Variants in LHFPL3 observed in about 807,000 individuals in gnomAD.
LHFPL3 encodes the protein LHFPL tetraspan subfamily member 3 protein.
A neutral mutation model predicts 19.3 loss-of-function variants in LHFPL3; 5 were observed. That is an observed-to-expected ratio of 0.26 (90% CI 0.14 to 0.54). The LOEUF is 0.54. LHFPL3 is among the 20% of genes least tolerant of loss of function. The pLI is 0.94. For missense variants in LHFPL3, 249 were observed against 307.4 expected (o/e 0.81, Z 1.42); for synonymous variants, 133 against 126.2 (o/e 1.05, Z -0.36).
chr7:104,421,925 A>T (rs544598523), intron 1 of LHFPL3, among the ~76,000 whole-genome samples: 3 of 152,164 alleles, frequency 2.0e-5, no homozygotes, highest in South Asian at 2.1e-4. Context: ...ATAAGGAAAG[A>T]CCCCAGAGAC....
intron 1 of LHFPL3, among the ~76,000 whole-genome samples, chr7:104,616,024 G>C (rs1021628378): frequency 6.6e-6 from 1 of 152,170 alleles, no homozygotes; most frequent in Non-Finnish European, 1.5e-5. Context: ...CATGCTTGTG[G>C]ATAGGAAGAA....
intron 1 of LHFPL3, among the ~76,000 whole-genome samples, chr7:104,712,771 G>GT (rs1326992202): frequency 2.0e-5 from 3 of 152,204 alleles, no homozygotes; most frequent in Non-Finnish European, 4.4e-5. Context: ...AGTATATGTT[G>GT]TTTTAAGCCA....
intron 2 of LHFPL3, among the ~76,000 whole-genome samples, chr7:104,855,463 A>G (rs1350707526): frequency 6.6e-6 from 1 of 152,166 alleles, no homozygotes; most frequent in Non-Finnish European, 1.5e-5. Context: ...ATTATGTATA[A>G]TGGTGTTGCA....
intron 1 of LHFPL3, among the ~76,000 whole-genome samples, chr7:104,437,771 G>C (rs1221035527): frequency 6.6e-6 from 1 of 152,150 alleles, no homozygotes; most frequent in Non-Finnish European, 1.5e-5. Flanking sequence ...CTGGGGGCCT[G>C]CCCTCAGCAC....
chr7:104,563,974 A>G lies in LHFPL3; in HGVS notation c.446-172701A>G, dbSNP rs1051365652. 5.3e-5 allele frequency among the ~76,000 whole-genome samples: 8 copies of G among 152,348 alleles called. No homozygotes were observed. In the South Asian group the frequency reaches 1.0e-3, roughly 20 times the overall value. ...ATCTTTCTGCCATAGAAAATACCTA[A>G]TAACAATAGTAATAGCTACCATTTA... On this transcript the variant is annotated intron_variant, in intron 1 of 2. Coordinates refer to ENST00000424859, the MANE Select transcript of LHFPL3 (RefSeq NM_199000.3).
At chr7:104,798,122 C>A (rs1004548743) in intron 2 of LHFPL3, among the ~76,000 whole-genome samples, 10 of 152,252 alleles carry the variant, frequency 6.6e-5, no homozygotes, top group Non-Finnish European at 1.2e-4. Context: ...TGTCCTAGAA[C>A]TAGAAACAAG....
At chr7:104,858,035 A>G (rs553756284) in intron 2 of LHFPL3, among the ~76,000 whole-genome samples, 3 of 152,324 alleles carry the variant, frequency 2.0e-5, no homozygotes, top group African/African-American at 7.2e-5. Flanking sequence ...AAACCAGAGT[A>G]TCTCACCATC....
intron 1 of LHFPL3, among the ~76,000 whole-genome samples, chr7:104,567,445 C>T (rs1790145464): frequency 6.6e-6 from 1 of 152,152 alleles, no homozygotes; most frequent in Non-Finnish European, 1.5e-5. Context: ...ATATTCTTTT[C>T]TTTGAATGTA....
intron 1 of LHFPL3, among the ~76,000 whole-genome samples, chr7:104,340,179 C>A (rs560735117): frequency 6.6e-6 from 1 of 151,784 alleles, no homozygotes; most frequent in African/African-American, 2.4e-5. Context: ...AAGGCTTGTA[C>A]AATTCTATTC....
chr7:104,393,762 A>C (rs1791127384), intron 1 of LHFPL3, among the ~76,000 whole-genome samples: 1 of 152,208 alleles, frequency 6.6e-6, no homozygotes, highest in Non-Finnish European at 1.5e-5. Flanking sequence ...TATATTATTC[A>C]GTAATAAAAA....
At chr7:104,459,137 C>G (rs142059953) in intron 1 of LHFPL3, among the ~76,000 whole-genome samples, 1 of 152,222 alleles carries the variant, frequency 6.6e-6, no homozygotes, top group Non-Finnish European at 1.5e-5. Flanking sequence ...CTTTGAGTGA[C>G]TTTACCTTGT....
At chr7:104,417,882 TTC>T (rs1323841916) in intron 1 of LHFPL3, among the ~76,000 whole-genome samples, 4 of 111,494 alleles carry the variant, frequency 3.6e-5, no homozygotes, top group African/African-American at 1.1e-4. Context: ...CTTCTTCTTC[TTC>T]TTTTTTTTTT....
intron 2 of LHFPL3, among the ~76,000 whole-genome samples, chr7:104,820,608 T>G (rs1374373375): frequency 6.6e-6 from 1 of 152,112 alleles, no homozygotes; most frequent in Non-Finnish European, 1.5e-5. Context: ...AGGCCCACCA[T>G]GTACATAACC....
chr7:104,856,175 T>C (rs1362862771), intron 2 of LHFPL3, among the ~76,000 whole-genome samples: 2 of 151,606 alleles, frequency 1.3e-5, no homozygotes, highest in African/African-American at 4.8e-5. Flanking sequence ...CAGAACCATC[T>C]GGGGGATTGG....
intron 1 of LHFPL3, among the ~76,000 whole-genome samples, chr7:104,616,301 T>C (rs183856873): frequency 6.6e-6 from 1 of 152,128 alleles, no homozygotes; most frequent in African/African-American, 2.4e-5. Flanking sequence ...CATAGACCAA[T>C]GGAACAGAGC....
intron 1 of LHFPL3, among the ~76,000 whole-genome samples, chr7:104,711,795 C>G (rs532255061): frequency 6.6e-6 from 1 of 152,234 alleles, no homozygotes; most frequent in East Asian, 1.9e-4. Context: ...AAAGGCCAGA[C>G]TTGGAAGACA....
rs1423409090 is a variant in LHFPL3, at chr7:104,668,247, C to T, written c.446-68428C>T. On this transcript the variant is annotated intron_variant, in intron 1 of 2. Coordinates refer to ENST00000424859, the MANE Select transcript of LHFPL3 (RefSeq NM_199000.3). ...AGAGTCTCTAAGTAACAGGAGAATT[C>T]GAGTGGACGTTGCTGATCAAGCACT... 13 of 1,612,116 alleles carry T rather than the reference C, an allele frequency of 8.1e-6. No individual in the cohort carries two copies. The African/African-American group carries it at 9.4e-5, about 12-fold the overall frequency.
At chr7:104,537,966 A>C (rs775638446) in intron 1 of LHFPL3, among the ~76,000 whole-genome samples, 1 of 152,330 alleles carries the variant, frequency 6.6e-6, no homozygotes, top group East Asian at 1.9e-4. Context: ...TATACAGATC[A>C]TAGTGAATAG....
At chr7:104,697,009 T>C (rs1584485417) in intron 1 of LHFPL3, among the ~76,000 whole-genome samples, 1 of 152,068 alleles carries the variant, frequency 6.6e-6, no homozygotes, top group African/African-American at 2.4e-5. Flanking sequence ...GAGGGCATGG[T>C]TTTTAATTCA....
Sources: gnomAD v4.1 joint callset for allele counts (sites outside exome capture counted in the v4.1 genomes callset) on GRCh38, gnomAD v4.1.1 for gene constraint, MANE v1.5 for transcripts, NCBI Gene and HGNC (gene_info 2026-07-23, HGNC 2026-07-21) for gene names.